CRTC1: variants seen among roughly 807,000 people sequenced by gnomAD.
CRTC1 encodes the protein CREB-regulated transcription coactivator 1.
Under a neutral mutation model 66.1 loss-of-function variants are expected in CRTC1, and 18 were observed. The ratio of observed to expected loss-of-function variants is 0.27; its 90% CI spans 0.19 to 0.40. The LOEUF is 0.40. Ranked by LOEUF, CRTC1 falls within the 10% of genes least tolerant of loss-of-function variation. The pLI, the probability that CRTC1 is intolerant of heterozygous loss-of-function variation, is 1.00. For missense variants in CRTC1, 669 were observed against 887.9 expected (o/e 0.75, Z 3.13); for synonymous variants, 416 against 398.8 (o/e 1.04, Z -0.51).
At chr19:18,723,240 C>T (rs75290002) in intron 1 of CRTC1, among the ~76,000 whole-genome samples, 14,259 of 152,236 alleles carry the variant, frequency 0.094, 883 homozygotes, top group East Asian at 0.26. Context: ...TGTAATTGCC[C>T]GGCCTACAAT....
At chr19:18,762,860 A>G (rs537019925) in intron 8 of CRTC1, among the ~76,000 whole-genome samples, 2 of 152,340 alleles carry the variant, frequency 1.3e-5, no homozygotes, top group Non-Finnish European at 2.9e-5. Context: ...CCTTGTATTC[A>G]GGGCAGACAT....
intron 4 of CRTC1, among the ~76,000 whole-genome samples, chr19:18,747,421 G>T (rs2054271500): frequency 6.6e-6 from 1 of 152,096 alleles, no homozygotes; most frequent in Non-Finnish European, 1.5e-5. Context: ...CGGATCACTT[G>T]AGGTCAGGAG....
intron 1 of CRTC1, among the ~76,000 whole-genome samples, chr19:18,718,516 T>G (rs1368438050): frequency 6.6e-6 from 1 of 151,914 alleles, no homozygotes; most frequent in Non-Finnish European, 1.5e-5. Context: ...AATTTTTTTT[T>G]TTTTTTTTTA....
At chr19:18,700,591 C>T (rs1280637292) in intron 1 of CRTC1, among the ~76,000 whole-genome samples, 2 of 152,162 alleles carry the variant, frequency 1.3e-5, no homozygotes, top group South Asian at 2.1e-4. Flanking sequence ...CAGCACTTCC[C>T]GTTTCCTCTG....
chr19:18,759,343 G>A (rs898356013), intron 6 of CRTC1, among the ~76,000 whole-genome samples: 12 of 152,242 alleles, frequency 7.9e-5, no homozygotes, highest in African/African-American at 2.2e-4. Flanking sequence ...TTGGCTTCGC[G>A]CTGGGCATGT....
At chr19:18,731,002 G>A (rs1407942097) in intron 1 of CRTC1, among the ~76,000 whole-genome samples, 1 of 151,880 alleles carries the variant, frequency 6.6e-6, no homozygotes, top group African/African-American at 2.4e-5. Context: ...TTAAGAGACA[G>A]TGTCTCGCTG....
At chr19:18,742,812 A>G (rs1455482551) in intron 1 of CRTC1, 98 bp from the exon 2 acceptor site, 1 of 852,052 alleles carries the variant, frequency 1.2e-6, no homozygotes, top group African/African-American at 1.7e-5. Flanking sequence ...TTAGGCTGTC[A>G]ATCCCACCAC....
intron 11 of CRTC1, among the ~76,000 whole-genome samples, chr19:18,773,130 G>T (rs1202724694): frequency 6.6e-6 from 1 of 152,154 alleles, no homozygotes; most frequent in Non-Finnish European, 1.5e-5. Context: ...TGTCCGTCGT[G>T]CGCTGATGCA....
intron 1 of CRTC1, among the ~76,000 whole-genome samples, chr19:18,725,902 C>A (rs2145650541): frequency 6.6e-6 from 1 of 152,362 alleles, no homozygotes; most frequent in Admixed American, 6.5e-5. Flanking sequence ...GCTGCTCCTG[C>A]TGCCCAGATC....
chr19:18,695,726 G>A (rs911085819), intron 1 of CRTC1, among the ~76,000 whole-genome samples: 3 of 152,122 alleles, frequency 2.0e-5, no homozygotes, highest in East Asian at 3.9e-4. Context: ...TTGGCTGGGC[G>A]TGGTGGTGGG....
intron 1 of CRTC1, among the ~76,000 whole-genome samples, chr19:18,715,228 C>T (rs2053480238): frequency 6.6e-6 from 1 of 152,166 alleles, no homozygotes; most frequent in Non-Finnish European, 1.5e-5. Context: ...TCCCCTTCTC[C>T]TCTCTTTTTT....
rs2055029701 is a variant in CRTC1 at position 18,777,880 on chromosome 19, C to A, written c.*498C>A. On this transcript the variant is annotated 3_prime_UTR_variant, in exon 14 of 14. Transcript: ENST00000321949. This position sits in a 1 kb window ranked among gnomAD's most constrained non-coding sequence, Gnocchi z 5.5. ...GCCCGTGGTCAGGTAGAGAGTGAGC[C>A]CCACGCCGCCCCAGGGAGGAGGCGC... is the stretch of plus-strand genomic sequence containing the variant. 7.5e-6 allele frequency: 2 copies of A among 266,374 alleles called. No homozygotes were observed. Among genetic ancestry groups the A allele is most frequent in the Non-Finnish European group, 1.4e-5 (2 of 140,996 alleles). The allele number at this position is 266,374 out of a possible 1,614,324, so 16.5% of individuals were successfully genotyped here.
At chr19:18,775,300 C>T (rs1224842605) in intron 12 of CRTC1, among the ~76,000 whole-genome samples, 3 of 152,232 alleles carry the variant, frequency 2.0e-5, no homozygotes, top group Non-Finnish European at 2.9e-5. Context: ...GCTGTGGACG[C>T]GGCGCCTCGG....
At chr19:18,748,374 ATTTTTTT>A (rs777077338) in intron 4 of CRTC1, among the ~76,000 whole-genome samples, 14 of 75,400 alleles carry the variant, frequency 1.9e-4, no homozygotes, top group East Asian at 1.3e-3. Flanking sequence ...CTTCCAGCTG[ATTTTTTT>A]TTTTTTTTTT....
rs2055035882 is a variant in CRTC1, at chr19:18,778,131, C to A, written c.*749C>A. ...GGTGGCCACCTTTGCCGGGAAGTGA[C>A]CGGAAGGCCCCGTGAGGGGTCGAAC... On this transcript the variant is annotated 3_prime_UTR_variant, in exon 14 of 14. Coordinates refer to ENST00000321949, the MANE Select transcript of CRTC1 (RefSeq NM_015321.3). 1 of 232,856 alleles carries A rather than the reference C, an allele frequency of 4.3e-6. No homozygotes were observed. The highest frequency in any genetic ancestry group is 2.2e-5 in the African/African-American group (1 of 45,302). The allele number at this position is 232,856 out of a possible 1,614,324, so 14.4% of individuals were successfully genotyped here.
intron 1 of CRTC1, among the ~76,000 whole-genome samples, chr19:18,727,817 G>T (rs537044195): frequency 6.6e-6 from 1 of 152,048 alleles, no homozygotes; most frequent in South Asian, 2.1e-4. Context: ...TGCCTCCCAG[G>T]TTCAGGAAGT....
intron 2 of CRTC1, among the ~76,000 whole-genome samples, chr19:18,744,931 CAG>C (rs1568517318): frequency 6.6e-6 from 1 of 152,180 alleles, no homozygotes; most frequent in Non-Finnish European, 1.5e-5. Context: ...ACTTTAGTAT[CAG>C]AGTCTCATTT....
intron 1 of CRTC1, among the ~76,000 whole-genome samples, chr19:18,687,645 G>A (rs2052716276): frequency 6.6e-6 from 1 of 152,074 alleles, no homozygotes; most frequent in Non-Finnish European, 1.5e-5. Context: ...TGATCGGGTC[G>A]GCACCTGCTC....
At chr19:18,723,784 G>T (rs1279805121) in intron 1 of CRTC1, among the ~76,000 whole-genome samples, 1 of 152,218 alleles carries the variant, frequency 6.6e-6, no homozygotes, top group African/African-American at 2.4e-5. Context: ...TTGCCCTGCA[G>T]GGACACTGGT....
Sources: allele counts gnomAD v4.1 joint callset (sites outside exome capture counted in the v4.1 genomes callset), GRCh38; gene constraint gnomAD v4.1.1; non-coding constraint Gnocchi (gnomAD v3.1); transcripts MANE v1.5; gene names NCBI Gene and HGNC (gene_info 2026-07-23, HGNC 2026-07-21).